The following CRTAC1 variants were observed in gnomAD, a reference collection of about 807,000 sequenced individuals.
The protein encoded by CRTAC1 is acidic secreted protein in cartilage.
Under a neutral mutation model 67.8 loss-of-function variants are expected in CRTAC1, and 37 were observed. That is an observed-to-expected ratio of 0.55 (90% CI 0.42 to 0.72). The LOEUF is 0.72. Ranked by LOEUF, CRTAC1 falls within the 30% of genes least tolerant of loss-of-function variation. The probability of loss-of-function intolerance (pLI) is 0.00; values close to 1 mark genes in which losing one functional copy is unlikely to be tolerated. For missense variants in CRTAC1, 780 were observed against 931.6 expected, an observed-to-expected ratio of 0.84 and a Z score of 2.12; for synonymous variants, 348 against 371.0, an observed-to-expected ratio of 0.94 and a Z score of 0.71.
At chr10:97,921,434 C>T (rs1268819113) in intron 4 of CRTAC1, among the ~76,000 whole-genome samples, 1 of 152,210 alleles carries the variant, frequency 6.6e-6, no homozygotes, top group Admixed American at 6.5e-5. Flanking sequence ...CCTGGCTTTG[C>T]CTGTTGCCTC....
In CRTAC1 at chr10:98,030,585, G is replaced by T. The variant is rs1236272190; in HGVS notation, c.-113C>A. 1.5e-6 allele frequency: 1 copy of T among 674,318 alleles called. No homozygotes were observed. The highest frequency in any genetic ancestry group is 4.5e-5 in the Admixed American group (1 of 22,382). 41.8% of individuals were successfully genotyped at this position (674,318 alleles called of 1,614,324 possible). ...CCAGCCCCGGTCCCGGGCTGGCCTC[G>T]AGCCTCCCGCCCCGACGCCGCGCGC... On this transcript the variant is annotated 5_prime_UTR_variant, in exon 1 of 15. Transcript: ENST00000370597. The surrounding 1 kb of genome is among the most constrained non-coding windows in gnomAD (Gnocchi z 4.2).
chr10:97,936,308 T>C lies in CRTAC1; in HGVS notation c.283A>G (p.Ile95Val), dbSNP rs2051087363. The change falls in exon 3 of 15, where the codon ATC becomes GTC. Residue 95 changes from isoleucine to valine, a missense_variant. Ile to Val is a conservative substitution (Grantham distance 29, BLOSUM62 3). Transcript: ENST00000370597. Reference sequence around the variant, plus strand: ...GGTGAGCTGCGCTCATCGACCGCGATGTTCACCAGCCGCTTCTGGGCCCGG... The same window carrying C: ...GGTGAGCTGCGCTCATCGACCGCGACGTTCACCAGCCGCTTCTGGGCCCGG... ...YDRAQKRLVNIAVDERSSPYY... is the reference protein window; with the variant it reads ...YDRAQKRLVNVAVDERSSPYY... The C allele has an allele frequency of 1.2e-6, 2 of 1,613,668 alleles. No individual in the cohort carries two copies. Among genetic ancestry groups the C allele is most frequent in the Non-Finnish European group, 1.7e-6 (2 of 1,179,610 alleles).
chr10:97,972,618 G>A (rs528655789), intron 2 of CRTAC1, among the ~76,000 whole-genome samples: 5 of 152,194 alleles, frequency 3.3e-5, no homozygotes, highest in Non-Finnish European at 7.3e-5. Context: ...AGTTTATGCA[G>A]TGTTTTTCAC....
Position 98,029,129 on chromosome 10 carries a change from C to T in CRTAC1, c.24+1320G>A, listed in dbSNP as rs897978237. Among the ~76,000 whole-genome samples, 1 of 152,166 alleles carries T rather than the reference C, an allele frequency of 6.6e-6. No homozygotes were observed. The highest frequency in any genetic ancestry group is 2.4e-5 in the African/African-American group (1 of 41,442). On this transcript the variant is annotated intron_variant, in intron 1 of 14. Coordinates refer to ENST00000370597, the MANE Select transcript of CRTAC1 (RefSeq NM_018058.7). The surrounding 1 kb of genome is among the most constrained non-coding windows in gnomAD (Gnocchi z 4.7). The stretch of plus-strand genomic sequence containing the variant: ...CTCAAGAACCATGCTGGAACAGCCA[C>T]CATGTTCCCACTTTTCCAGCCTCCA...
intron 2 of CRTAC1, among the ~76,000 whole-genome samples, chr10:97,993,390 G>A (rs1379959532): frequency 6.6e-6 from 1 of 152,228 alleles, no homozygotes; most frequent in East Asian, 1.9e-4. Flanking sequence ...ATTCATTGGG[G>A]ACATGAATCT....
At chr10:97,890,500 G>A (rs1325767943) in intron 11 of CRTAC1, among the ~76,000 whole-genome samples, 2 of 152,134 alleles carry the variant, frequency 1.3e-5, no homozygotes, top group Non-Finnish European at 2.9e-5. Flanking sequence ...CAAGAAATAT[G>A]TGTCTGTAAG....
At chr10:97,887,154 A>T (rs1178822322) in intron 11 of CRTAC1, among the ~76,000 whole-genome samples, 1 of 151,996 alleles carries the variant, frequency 6.6e-6, no homozygotes, top group Admixed American at 6.6e-5. Context: ...CTGAAGGGCC[A>T]CAAAGGACCC....
chr10:97,986,550 G>A (rs1219287226), intron 2 of CRTAC1, among the ~76,000 whole-genome samples: 4 of 152,066 alleles, frequency 2.6e-5, no homozygotes, highest in African/African-American at 9.7e-5. Flanking sequence ...AAAAAACAAA[G>A]CAAAACCCCC....
intron 14 of CRTAC1, chr10:97,866,442 A>G (rs1196888435): frequency 6.6e-6 from 1 of 152,176 alleles, no homozygotes; most frequent in Non-Finnish European, 1.5e-5. Context: ...AAACTCCGTG[A>G]AGAGACATAG....
chr10:98,014,635 G>C (rs1395258229), intron 1 of CRTAC1, among the ~76,000 whole-genome samples: 1 of 152,048 alleles, frequency 6.6e-6, no homozygotes, highest in Admixed American at 6.6e-5. Flanking sequence ...TAAACAACCT[G>C]ACTCAAAACA....
intron 2 of CRTAC1, among the ~76,000 whole-genome samples, chr10:97,950,012 T>C (rs929970379): frequency 6.6e-5 from 10 of 152,238 alleles, no homozygotes; most frequent in African/African-American, 2.4e-4. Flanking sequence ...TGTTATTACC[T>C]GTGTAGCCTT....
intron 5 of CRTAC1, among the ~76,000 whole-genome samples, chr10:97,911,111 G>A (rs751491753): frequency 9.2e-5 from 14 of 152,176 alleles, no homozygotes; most frequent in Non-Finnish European, 1.8e-4. Context: ...GCTGGCAGCT[G>A]TCCCTGCCCT....
rs1363245594 is a variant in CRTAC1, at chr10:97,974,796, A to T, written c.224+36342T>A. ...GCATTTATGCTCCCTGTTCAGAGATAGGAAAAAAGACCCCTTTCTTCTTCT... is the reference window on the plus strand; with the variant it reads ...GCATTTATGCTCCCTGTTCAGAGATTGGAAAAAAGACCCCTTTCTTCTTCT... On this transcript the variant is annotated intron_variant, in intron 2 of 14. Transcript: ENST00000370597. Among the ~76,000 whole-genome samples the T allele has an allele frequency of 5.3e-5, 8 of 152,324 alleles. No individual in the cohort carries two copies. The East Asian group carries it at 1.5e-3, about 30-fold the overall frequency.
chr10:97,946,888 T>G (rs1311685792), intron 2 of CRTAC1, among the ~76,000 whole-genome samples: 2 of 152,238 alleles, frequency 1.3e-5, no homozygotes, highest in African/African-American at 4.8e-5. Flanking sequence ...TCGAGGACAC[T>G]AAGAGTTGGC....
intron 1 of CRTAC1, among the ~76,000 whole-genome samples, chr10:98,015,920 T>C (rs1842987673): frequency 6.6e-6 from 1 of 152,188 alleles, no homozygotes; most frequent in African/African-American, 2.4e-5. Context: ...TATACTACAG[T>C]GAAGGCACGA....
intron 14 of CRTAC1, chr10:97,878,632 G>C: frequency 7.7e-7 from 1 of 1,304,014 alleles, no homozygotes; most frequent in African/African-American, 1.5e-5. Flanking sequence ...GAGTGTTCTG[G>C]CTACAGGAGC....
At chr10:97,995,564 A>C (rs910702819) in intron 2 of CRTAC1, among the ~76,000 whole-genome samples, 1 of 152,190 alleles carries the variant, frequency 6.6e-6, no homozygotes, top group African/African-American at 2.4e-5. Flanking sequence ...ACTACAGAAC[A>C]AGTAGATCCC....
intron 11 of CRTAC1, 112 bp from the exon 12 acceptor site, chr10:97,884,463 T>C: frequency 1.0e-6 from 1 of 1,001,224 alleles, no homozygotes; most frequent in Non-Finnish European, 1.5e-6. Flanking sequence ...TTGAGCACTG[T>C]TCTAAGTGCT....
At chr10:97,904,039 C>T (rs910102358) in intron 7 of CRTAC1, among the ~76,000 whole-genome samples, 9 of 151,562 alleles carry the variant, frequency 5.9e-5, no homozygotes, top group Admixed American at 5.3e-4. Flanking sequence ...GGATGCCATC[C>T]TGTATCCCCT....
Sources: gnomAD v4.1 joint callset for allele counts (sites outside exome capture counted in the v4.1 genomes callset) on GRCh38, gnomAD v4.1.1 for gene constraint, Gnocchi (gnomAD v3.1) non-coding constraint, MANE v1.5 for transcripts, NCBI Gene and HGNC (gene_info 2026-07-23, HGNC 2026-07-21) for gene names.